Variants in ARHGEF28 observed in about 807,000 individuals in gnomAD.
The protein encoded by ARHGEF28 is Rho guanine nucleotide exchange factor 28, also known as 190 kDa guanine nucleotide exchange factor.
A neutral mutation model predicts 206.6 loss-of-function variants in ARHGEF28; 152 were observed. The ratio of observed to expected loss-of-function variants is 0.74; its 90% CI spans 0.64 to 0.84. ARHGEF28 has a LOEUF of 0.84. ARHGEF28 is among the 40% of genes least tolerant of loss of function. The probability of loss-of-function intolerance (pLI) is 0.00; values close to 1 mark genes in which losing one functional copy is unlikely to be tolerated. For synonymous variants in ARHGEF28, 763 were observed against 776.4 expected, an observed-to-expected ratio of 0.98 and a Z score of 0.29; for missense variants, 2,028 against 2,073.2, an observed-to-expected ratio of 0.98 and a Z score of 0.42.
At chr5:73,636,884 C>T (rs965664205) in intron 1 of ARHGEF28, among the ~76,000 whole-genome samples, 4 of 152,152 alleles carry the variant, frequency 2.6e-5, no homozygotes, top group African/African-American at 9.7e-5. Flanking sequence ...TTACGAGCAT[C>T]ACGCTTGGCT....
chr5:73,670,563 A>G (rs1482768958), intron 1 of ARHGEF28, among the ~76,000 whole-genome samples: 1 of 152,236 alleles, frequency 6.6e-6, no homozygotes, highest in African/African-American at 2.4e-5. Flanking sequence ...TTCGGTTTTA[A>G]GAAACTGCTA....
rs546170683 is a variant in ARHGEF28 at position 73,814,473 on chromosome 5, G to A, written c.1025-17865G>A. Among the ~76,000 whole-genome samples, 72 of 152,172 alleles carry A rather than the reference G, an allele frequency of 4.7e-4. 1 individual carries two copies. The highest frequency in any genetic ancestry group is 7.9e-4 in the Non-Finnish European group (54 of 68,004). ...CCTGAGAAGCTGTTATCCCATCCTC[G>A]GCTGGGCTTAGCTGGCAGTGATTGT... On this transcript the variant is annotated intron_variant, in intron 9 of 35. Coordinates refer to ENST00000513042, the MANE Select transcript of ARHGEF28 (RefSeq NM_001177693.2).
intron 6 of ARHGEF28, chr5:73,780,335 T>TG (rs1561398643): frequency 3.9e-6 from 1 of 258,168 alleles, no homozygotes; most frequent in Non-Finnish European, 7.6e-6. Context: ...AGGTGGCAGA[T>TG]GCACAGGCCA....
At chr5:73,909,957 C>G in intron 34 of ARHGEF28, 60 bp downstream of exon 34, 1 of 1,454,834 alleles carries the variant, frequency 6.9e-7, no homozygotes, top group East Asian at 2.4e-5. Context: ...GGCCTGGGGG[C>G]TCCTAGGACA....
rs114390870 is a variant in ARHGEF28, at chr5:73,753,270, A to C, written c.475+68A>C. 1.9e-3 allele frequency: 2,727 copies of C among 1,447,890 alleles called. 19 individuals carry two copies. The highest frequency in any genetic ancestry group is 0.014 in the African/African-American group (1,006 of 70,082). 89.7% of individuals were successfully genotyped at this position (1,447,890 alleles called of 1,614,324 possible). A position where few individuals can be genotyped will look rare whatever the true frequency, so the allele number is the denominator to read the frequency against. On this transcript the variant is annotated intron_variant, in intron 4 of 35. Coordinates refer to ENST00000513042, the MANE Select transcript of ARHGEF28 (RefSeq NM_001177693.2). ...AAGTTCAGAATGTACCTTATGCTAT[A>C]CTGTGTGTTCCCCTCGGCAGGTTTT...
chr5:73,782,167 G>A (rs1046439969), intron 7 of ARHGEF28, among the ~76,000 whole-genome samples: 9 of 150,600 alleles, frequency 6.0e-5, no homozygotes, highest in Non-Finnish European at 8.8e-5. Flanking sequence ...GGCTGGGCAC[G>A]GTGGCTCACA....
chr5:73,790,075 G>C (rs1476187532), intron 7 of ARHGEF28, among the ~76,000 whole-genome samples: 2 of 152,136 alleles, frequency 1.3e-5, no homozygotes, highest in Non-Finnish European at 2.9e-5. Flanking sequence ...GCAGCAGTCT[G>C]GTGTTGCAAG....
Position 73,686,744 on chromosome 5 carries a change from G to A in ARHGEF28, c.33+1860G>A, listed in dbSNP as rs1260501979. Among the ~76,000 whole-genome samples the A allele has an allele frequency of 4.0e-5, 6 of 151,700 alleles. No individual in the cohort carries two copies. The East Asian group carries it at 9.7e-4, about 25-fold the overall frequency. On this transcript the variant is annotated intron_variant, in intron 2 of 35. Coordinates refer to ENST00000513042, the MANE Select transcript of ARHGEF28 (RefSeq NM_001177693.2). ...TCACCGTGTTAGCCAGGATGGTCTC[G>A]ATCTCCTGACCTCGTGATCTGCCTG... is the stretch of plus-strand genomic sequence containing the variant.
In ARHGEF28 at chr5:73,909,872, C is replaced by G. The variant is rs78992879; in HGVS notation, c.4622C>G (p.Ala1541Gly). Residue 1541 changes from alanine (A) to glycine (G), a missense_variant, in exon 34 of 36, where the codon GCG becomes GGG. Ala to Gly is a moderately conservative substitution (Grantham distance 60, BLOSUM62 0). Coordinates refer to ENST00000513042, the MANE Select transcript of ARHGEF28 (RefSeq NM_001177693.2). ...WKHGRQRSLPAVLLPGGPEVM... is the reference protein window; with the variant it reads ...WKHGRQRSLPGVLLPGGPEVM... Reference sequence around the variant, plus strand: ...CACGGCCGGCAGAGGAGCCTGCCCGCGGTGCTCCTTCCGGGTGGCCCCGAG... The same window carrying G: ...CACGGCCGGCAGAGGAGCCTGCCCGGGGTGCTCCTTCCGGGTGGCCCCGAG... The G allele has an allele frequency of 0.038, 57,530 of 1,520,832 alleles. 1,227 individuals are homozygous for G. The highest frequency in any genetic ancestry group is 0.059 in the South Asian group (4,527 of 76,794). The allele number at this position is 1,520,832 out of a possible 1,614,324, so 94.2% of individuals were successfully genotyped here. A position where few individuals can be genotyped will look rare whatever the true frequency, so the allele number is the denominator to read the frequency against.
At chr5:73,852,790 G>A in intron 14 of ARHGEF28, 98 bp downstream of exon 14, 1 of 1,301,298 alleles carries the variant, frequency 7.7e-7, no homozygotes, top group Non-Finnish European at 1.1e-6. Context: ...GTTCATGAGA[G>A]GTTTCCATGT....
At chr5:73,649,333 T>C (rs1744649015) in intron 1 of ARHGEF28, among the ~76,000 whole-genome samples, 1 of 152,170 alleles carries the variant, frequency 6.6e-6, no homozygotes, top group South Asian at 2.1e-4. Context: ...GAGCACCTGA[T>C]CCAGAATTGA....
At chr5:73,672,561 A>C (rs1387670181) in intron 1 of ARHGEF28, among the ~76,000 whole-genome samples, 1 of 152,258 alleles carries the variant, frequency 6.6e-6, no homozygotes, top group Non-Finnish European at 1.5e-5. Context: ...AGTGCTTTGC[A>C]CATAGTAAGT....
chr5:73,795,829 G>T (rs974523392), intron 9 of ARHGEF28, among the ~76,000 whole-genome samples: 1 of 125,954 alleles, frequency 7.9e-6, no homozygotes, highest in Non-Finnish European at 1.8e-5. Context: ...TGCCCAGTGG[G>T]GTCCCCTTGG....
chr5:73,897,689 T>G (rs1325753143), intron 29 of ARHGEF28, among the ~76,000 whole-genome samples: 1 of 152,266 alleles, frequency 6.6e-6, no homozygotes, highest in African/African-American at 2.4e-5. Flanking sequence ...TGGTCTAGAT[T>G]GAAGATCTGC....
chr5:73,925,979 A>G (rs1763777921), intron 35 of ARHGEF28, among the ~76,000 whole-genome samples: 1 of 152,190 alleles, frequency 6.6e-6, no homozygotes, highest in African/African-American at 2.4e-5. Context: ...AATTGCTGCT[A>G]GGATAGGTGT....
At chr5:73,722,425 A>C (rs1456778889) in intron 2 of ARHGEF28, among the ~76,000 whole-genome samples, 2 of 152,202 alleles carry the variant, frequency 1.3e-5, no homozygotes, top group Admixed American at 1.3e-4. Context: ...GGACTCAATA[A>C]ATGTTTGTGC....
intron 1 of ARHGEF28, among the ~76,000 whole-genome samples, chr5:73,670,963 CT>C: frequency 6.6e-6 from 1 of 152,230 alleles, no homozygotes; most frequent in Middle Eastern, 3.4e-3. Context: ...ATTTTGATGT[CT>C]GGCATGGTTT....
chr5:73,905,985 C>A (rs1762527256), intron 33 of ARHGEF28, among the ~76,000 whole-genome samples: 1 of 152,108 alleles, frequency 6.6e-6, no homozygotes, highest in South Asian at 2.1e-4. Flanking sequence ...TGCTTCATAT[C>A]TTGTTGAATT....
intron 6 of ARHGEF28, 141 bp from the exon 7 acceptor site, chr5:73,780,535 C>T: frequency 1.2e-6 from 1 of 802,542 alleles, no homozygotes; most frequent in Non-Finnish European, 1.9e-6. Context: ...TATGTTCTCC[C>T]AGCGGCTTTC....
Sources: allele counts gnomAD v4.1 joint callset (sites outside exome capture counted in the v4.1 genomes callset), GRCh38; gene constraint gnomAD v4.1.1; transcripts MANE v1.5; gene names NCBI Gene and HGNC (gene_info 2026-07-23, HGNC 2026-07-21).